Variants in DNAH7 observed in about 807,000 individuals in gnomAD.
DNAH7 encodes the protein dynein axonemal heavy chain 7.
In DNAH7, 397 loss-of-function variants were observed where a neutral mutation model predicts 444.6. The ratio of observed to expected loss-of-function variants is 0.89; its 90% CI spans 0.82 to 0.97. The LOEUF is 0.97. Ranked by LOEUF, DNAH7 falls within the 50% of genes least tolerant of loss-of-function variation. DNAH7 has a pLI of 0.00. For synonymous variants in DNAH7, 1,636 were observed against 1,624.4 expected, an observed-to-expected ratio of 1.01 and a Z score of -0.17; for missense variants, 4,902 against 4,800.8, an observed-to-expected ratio of 1.02 and a Z score of -0.62.
At chr2:196,020,069 T>C (rs1695280196) in intron 8 of DNAH7, among the ~76,000 whole-genome samples, 1 of 152,148 alleles carries the variant, frequency 6.6e-6, no homozygotes, top group African/African-American at 2.4e-5. Context: ...TTCTACTTTA[T>C]GAATAGTAAA....
chr2:195,878,234 T>G (rs985229584), intron 36 of DNAH7, among the ~76,000 whole-genome samples: 1 of 152,238 alleles, frequency 6.6e-6, no homozygotes, highest in Non-Finnish European at 1.5e-5. Context: ...TAATATATTT[T>G]TATTAGCTAA....
intron 12 of DNAH7, chr2:195,995,529 T>G: frequency 3.3e-6 from 1 of 299,496 alleles, no homozygotes. Context: ...GCTCTAGGCT[T>G]CACTTTGCCT....
chr2:195,847,598 A>T (rs535395644), intron 46 of DNAH7, among the ~76,000 whole-genome samples: 1 of 151,994 alleles, frequency 6.6e-6, no homozygotes, highest in East Asian at 1.9e-4. Flanking sequence ...GTTGACACAC[A>T]ATTTGGTTAT....
intron 57 of DNAH7, among the ~76,000 whole-genome samples, chr2:195,792,474 TCAATGTCATAAAAGA>T (rs552281070): frequency 1.4e-5 from 2 of 143,854 alleles, no homozygotes; most frequent in Non-Finnish European, 3.0e-5. Context: ...TTCAGAGATA[TCAATGTCATAAAAGA>T]CAAAGAAAGA....
At chr2:196,003,458 G>T (rs1159089192) in intron 10 of DNAH7, among the ~76,000 whole-genome samples, 1 of 152,156 alleles carries the variant, frequency 6.6e-6, no homozygotes, top group African/African-American at 2.4e-5. Context: ...TATTATGAAT[G>T]AAACATTTGG....
At chr2:195,951,751 C>A (rs1048472734) in intron 19 of DNAH7, among the ~76,000 whole-genome samples, 2 of 152,012 alleles carry the variant, frequency 1.3e-5, no homozygotes, top group Non-Finnish European at 2.9e-5. Context: ...ACTAGGATTG[C>A]AACCTCTTTT....
rs149212659 is a variant in DNAH7, at chr2:195,881,887, G to A, written c.5869C>T (p.Arg1957Ter). The A allele has an allele frequency of 4.9e-5, 79 of 1,613,768 alleles. No individual in the cohort carries two copies. The highest frequency in any genetic ancestry group is 7.7e-5 in the South Asian group (7 of 91,084). ...AGCAATTCCATTAATGCAGAGTATC[G>A]AATTGTGTCCAGAGTTGGCACAATG... ...EIIVPTLDTI[R>*]YSALMELLTT... The change falls in exon 36 of 65, where the codon CGA (arginine) becomes TGA (stop). Residue 1957 changes from arginine to a stop codon, truncating the protein, a stop_gained. Transcript: ENST00000312428. LOFTEE classifies it high-confidence loss of function.
At chr2:195,963,274 T>C (rs1691235851) in intron 17 of DNAH7, among the ~76,000 whole-genome samples, 1 of 152,210 alleles carries the variant, frequency 6.6e-6, no homozygotes, top group Non-Finnish European at 1.5e-5. Context: ...TGACAGCAGT[T>C]ATTGACTGTT....
At chr2:195,948,822 C>A (rs1553574880) in intron 19 of DNAH7, among the ~76,000 whole-genome samples, 1 of 152,008 alleles carries the variant, frequency 6.6e-6, no homozygotes, top group Admixed American at 6.6e-5. Context: ...TTTTCTAATT[C>A]TGTGAAGAAA....
chr2:195,742,517 T>C (rs1693106860), intron 63 of DNAH7, among the ~76,000 whole-genome samples: 1 of 152,208 alleles, frequency 6.6e-6, no homozygotes, highest in Non-Finnish European at 1.5e-5. Flanking sequence ...CCATCAATTG[T>C]ATAGGAGATA....
At chr2:195,772,437 T>C (rs1217390151) in intron 60 of DNAH7, among the ~76,000 whole-genome samples, 10 of 152,336 alleles carry the variant, frequency 6.6e-5, no homozygotes, top group African/African-American at 1.9e-4. Flanking sequence ...AGACAGACTT[T>C]AGTGATTCAC....
rs1349327635 is a variant in DNAH7, at chr2:195,960,701, G to C, written c.2450C>G (p.Ser817Cys). Reference sequence around the variant, plus strand: ...TTTTGTCATTGCCAATGCATATGGAGAATCATGAAAGGTTTTCTCCAGTTT... The same window carrying C: ...TTTTGTCATTGCCAATGCATATGGACAATCATGAAAGGTTTTCTCCAGTTT... ...LYKLEKTFHD[S>C]PYALAMTKKV... The change falls in exon 18 of 65, where the codon TCT (serine) becomes TGT (cysteine). Residue 817 changes from serine to cysteine, a missense_variant. Physicochemically the swap from Ser to Cys is moderately radical, Grantham distance 112. Transcript: ENST00000312428. 1 of 1,614,170 alleles carries C rather than the reference G, an allele frequency of 6.2e-7. No homozygotes were observed. Among genetic ancestry groups the C allele is most frequent in the African/African-American group, 1.3e-5 (1 of 75,050 alleles).
At chr2:195,792,889 T>C (rs1695953633) in intron 57 of DNAH7, among the ~76,000 whole-genome samples, 1 of 151,902 alleles carries the variant, frequency 6.6e-6, no homozygotes, top group Non-Finnish European at 1.5e-5. Context: ...GAGATGAATA[T>C]GGGTAAAAAG....
chr2:195,793,097 T>C (rs910807501), intron 57 of DNAH7, among the ~76,000 whole-genome samples: 1 of 151,764 alleles, frequency 6.6e-6, no homozygotes, highest in African/African-American at 2.4e-5. Context: ...GCCTGGCTAA[T>C]TTTTTATTTA....
chr2:195,769,277 G>A (rs1694729904), intron 61 of DNAH7, among the ~76,000 whole-genome samples: 2 of 151,600 alleles, frequency 1.3e-5, no homozygotes, highest in Admixed American at 6.6e-5. Flanking sequence ...TTGTCAAGGT[G>A]GTCTCGAATT....
intron 25 of DNAH7, among the ~76,000 whole-genome samples, chr2:195,908,231 A>G (rs1024111009): frequency 6.6e-6 from 1 of 152,002 alleles, no homozygotes; most frequent in African/African-American, 2.4e-5. Flanking sequence ...TTTCATTTAT[A>G]TATTTTTATT....
intron 46 of DNAH7, among the ~76,000 whole-genome samples, chr2:195,852,023 G>T (rs528297828): frequency 6.6e-6 from 1 of 152,076 alleles, no homozygotes; most frequent in Non-Finnish European, 1.5e-5. Flanking sequence ...CTTTGGGAGG[G>T]CAAGGTGGGC....
rs768209052 is a variant in DNAH7, at chr2:195,876,575, C to T, written c.6086G>A (p.Gly2029Glu). The T allele has an allele frequency of 2.5e-6, 4 of 1,613,736 alleles. No individual in the cohort carries two copies. Among genetic ancestry groups the T allele is most frequent in the East Asian group, 2.2e-5 (1 of 44,846 alleles). Reference sequence around the variant, plus strand: ...CTTGCCCAAAGGAGGACCAAAAACTCCCTTTCTTCTCTTGTCCAATTTTGA... The same window carrying T: ...CTTGCCCAAAGGAGGACCAAAAACTTCCTTTCTTCTCTTGTCCAATTTTGA... Reference protein sequence around the residue: ...VMSKLDKRRKGVFGPPLGKRM... With the variant: ...VMSKLDKRRKEVFGPPLGKRM... Residue 2029 changes from glycine to glutamate, a missense_variant, in exon 37 of 65, where the codon GGA becomes GAA. By Grantham distance (98) the Gly-to-Glu change is moderately conservative. Coordinates refer to ENST00000312428, the MANE Select transcript of DNAH7 (RefSeq NM_018897.3).
intron 24 of DNAH7, among the ~76,000 whole-genome samples, chr2:195,918,062 T>C (rs969733677): frequency 1.2e-4 from 19 of 152,174 alleles, no homozygotes; most frequent in Non-Finnish European, 1.5e-5. Context: ...GTATTCAAAA[T>C]GTACAAAGAA....
Sources: allele counts gnomAD v4.1 joint callset (sites outside exome capture counted in the v4.1 genomes callset), GRCh38; gene constraint gnomAD v4.1.1; transcripts MANE v1.5; gene names NCBI Gene and HGNC (gene_info 2026-07-23, HGNC 2026-07-21).